Variants in ARL6IP6 observed in about 807,000 individuals in gnomAD.
The protein encoded by ARL6IP6 is ADP-ribosylation factor-like protein 6-interacting protein 6.
Under a neutral mutation model 21.5 loss-of-function variants are expected in ARL6IP6, and 22 were observed. The ratio of observed to expected loss-of-function variants is 1.02; its 90% CI spans 0.73 to 1.46. The LOEUF (loss-of-function observed/expected upper bound fraction) is 1.46, where lower values mean the gene tolerates loss of function less well. ARL6IP6 is among the 40% of genes most tolerant of loss of function. ARL6IP6 has a pLI of 0.00. For missense variants in ARL6IP6, 388 were observed against 299.8 expected, an observed-to-expected ratio of 1.29 and a Z score of -2.17; for synonymous variants, 164 against 125.3, an observed-to-expected ratio of 1.31 and a Z score of -2.06.
intron 2 of ARL6IP6, among the ~76,000 whole-genome samples, chr2:152,724,132 GAA>G (rs1330971072): frequency 2.2e-5 from 3 of 139,132 alleles, no homozygotes; most frequent in East Asian, 4.0e-4. Context: ...AAAAAAGAGA[GAA>G]AGCCAAAAAG....
chr2:152,740,666 T>C (rs1700767705), intron 3 of ARL6IP6, among the ~76,000 whole-genome samples: 1 of 151,988 alleles, frequency 6.6e-6, no homozygotes, highest in African/African-American at 2.4e-5. Flanking sequence ...ATAATGCATA[T>C]ATATATTATG....
chr2:152,750,638 C>G (rs1701285021), intron 3 of ARL6IP6, among the ~76,000 whole-genome samples: 1 of 3,172 alleles, frequency 3.2e-4, no homozygotes, highest in East Asian at 8.6e-3. Flanking sequence ...TTTTCTTTCC[C>G]TTTACACAAT....
rs547911378 is a variant in ARL6IP6 at position 152,761,446 on chromosome 2, A to T, written c.*1606A>T. On this transcript the variant is annotated 3_prime_UTR_variant, in exon 4 of 4. Coordinates refer to ENST00000326446, the MANE Select transcript of ARL6IP6 (RefSeq NM_152522.7). ...AGAATCAATTTATCTTCTCTCCACC[A>T]CTCTGTATTCCCACGCACCACCAAT... Among the ~76,000 whole-genome samples the T allele has an allele frequency of 3.3e-5, 5 of 151,844 alleles. No homozygotes were observed. Among genetic ancestry groups the T allele is most frequent in the Admixed American group, 3.3e-4 (5 of 15,204 alleles).
At chr2:152,718,582 T>A (rs760947923), upstream of ARL6IP6, 5 of 1,492,894 alleles carry the variant, frequency 3.3e-6, no homozygotes, top group Non-Finnish European at 3.6e-6. Context: ...GCGGGGCAGG[T>A]GGGAGAGGCT....
intron 3 of ARL6IP6, among the ~76,000 whole-genome samples, chr2:152,740,896 A>G (rs1372493814): frequency 6.6e-6 from 1 of 152,168 alleles, no homozygotes; most frequent in Non-Finnish European, 1.5e-5. Context: ...TCTAGTGTTT[A>G]TGGAAAATAT....
intron 3 of ARL6IP6, among the ~76,000 whole-genome samples, chr2:152,755,358 AGG>A: frequency 6.6e-6 from 1 of 151,978 alleles, no homozygotes; most frequent in African/African-American, 2.4e-5. Context: ...CCTCTTGTGG[AGG>A]GCCTGACATC....
chr2:152,759,591 C>A (rs1377822997), intron 3 of ARL6IP6, among the ~76,000 whole-genome samples, 156 bp from the exon 4 acceptor site: 1 of 152,266 alleles, frequency 6.6e-6, no homozygotes, highest in South Asian at 2.1e-4. Flanking sequence ...ACTATTTATC[C>A]TGCAGATGTC....
At chr2:152,754,031 G>GT (rs1401200243) in intron 3 of ARL6IP6, among the ~76,000 whole-genome samples, 1 of 150,880 alleles carries the variant, frequency 6.6e-6, no homozygotes, top group Non-Finnish European at 1.5e-5. Context: ...ACAGTAAAGT[G>GT]TTTTTTTGTT....
At chr2:152,730,145 A>G (rs1700241529) in intron 2 of ARL6IP6, among the ~76,000 whole-genome samples, 1 of 152,226 alleles carries the variant, frequency 6.6e-6, no homozygotes, top group South Asian at 2.1e-4. Flanking sequence ...AACATAAAAT[A>G]ATAAAAATGC....
chr2:152,724,056 T>G (rs1028566316), intron 2 of ARL6IP6, among the ~76,000 whole-genome samples: 1 of 151,276 alleles, frequency 6.6e-6, no homozygotes, highest in Non-Finnish European at 1.5e-5. Flanking sequence ...ATAGCACAAT[T>G]TTTGTAAAAT....
At chr2:152,740,767 G>C (rs908231495) in intron 3 of ARL6IP6, among the ~76,000 whole-genome samples, 2 of 151,868 alleles carry the variant, frequency 1.3e-5, no homozygotes, top group African/African-American at 4.8e-5. Flanking sequence ...TTTTGTATTT[G>C]TACAAAATAA....
rs143836129 is a variant in ARL6IP6 at position 152,750,524 on chromosome 2, G to A, written c.588-9223G>A. Among the ~76,000 whole-genome samples, 189 of 151,496 alleles carry A rather than the reference G, an allele frequency of 1.2e-3. No individual in the cohort carries two copies. The East Asian group carries it at 0.018, about 14-fold the overall frequency. On this transcript the variant is annotated intron_variant, in intron 3 of 3. Transcript: ENST00000326446. ...AGAGAGAAAGGAAGGGAGGGAGGGC[G>A]GAAGGAAGGAAATGGAAGGAAATAG...
chr2:152,755,317 G>A (rs1701531487), intron 3 of ARL6IP6, among the ~76,000 whole-genome samples: 1 of 152,062 alleles, frequency 6.6e-6, no homozygotes, highest in Non-Finnish European at 1.5e-5. Flanking sequence ...CCCTTTCCCC[G>A]GGGGAGTTTA....
intron 2 of ARL6IP6, among the ~76,000 whole-genome samples, chr2:152,725,312 G>A (rs1699989626): frequency 6.6e-6 from 1 of 151,968 alleles, no homozygotes; most frequent in Admixed American, 6.6e-5. Context: ...TCTCAACTAT[G>A]GTCGAAAGAA....
In ARL6IP6 at chr2:152,733,169, C is replaced by T. The variant is rs77438345; in HGVS notation, c.455-1825C>T. On this transcript the variant is annotated intron_variant, in intron 2 of 3. Coordinates refer to ENST00000326446, the MANE Select transcript of ARL6IP6 (RefSeq NM_152522.7). ...TCTGGTATGGATCTAACTTCTTTTC[C>T]TTTTTGTAAGTGGTCACCCCATTGA... 6.7e-3 allele frequency among the ~76,000 whole-genome samples: 1,020 copies of T among 152,086 alleles called. 13 individuals carry two copies. The highest frequency in any genetic ancestry group is 0.023 in the African/African-American group (954 of 41,486).
chr2:152,742,746 G>A (rs2105152410), intron 3 of ARL6IP6, among the ~76,000 whole-genome samples: 2 of 151,930 alleles, frequency 1.3e-5, no homozygotes, highest in South Asian at 4.2e-4. Flanking sequence ...GGATTTCTAG[G>A]GATGTCTTAA....
chr2:152,738,146 T>C (rs557163272), intron 3 of ARL6IP6, among the ~76,000 whole-genome samples: 1 of 152,318 alleles, frequency 6.6e-6, no homozygotes, highest in Non-Finnish European at 1.5e-5. Flanking sequence ...AGCTCCAAAA[T>C]GATCTCCTTT....
At chr2:152,722,329 T>A (rs1336465114) in intron 2 of ARL6IP6, among the ~76,000 whole-genome samples, 2 of 152,214 alleles carry the variant, frequency 1.3e-5, no homozygotes, top group Non-Finnish European at 2.9e-5. Context: ...GAAAGTGTTG[T>A]ATCTTTATGG....
chr2:152,733,554 C>T (rs539661215), intron 2 of ARL6IP6, among the ~76,000 whole-genome samples: 3 of 152,292 alleles, frequency 2.0e-5, no homozygotes, highest in African/African-American at 4.8e-5. Flanking sequence ...TGAGCCACCA[C>T]GCCCGGCCCT....
Sources: allele counts gnomAD v4.1 joint callset (sites outside exome capture counted in the v4.1 genomes callset), GRCh38; gene constraint gnomAD v4.1.1; transcripts MANE v1.5; gene names NCBI Gene and HGNC (gene_info 2026-07-23, HGNC 2026-07-21).